Variants in PRG4 observed in about 807,000 individuals in gnomAD.
The protein encoded by PRG4 is proteoglycan 4.
Under a neutral mutation model 91.2 loss-of-function variants are expected in PRG4, and 61 were observed. That is an observed-to-expected ratio of 0.67 (90% CI 0.54 to 0.83). PRG4 has a LOEUF of 0.83. Ranked by LOEUF, PRG4 falls within the 40% of genes least tolerant of loss-of-function variation. PRG4 has a pLI of 0.00. For missense variants in PRG4, 1,564 were observed against 1,714.2 expected (o/e 0.91, Z 1.55); for synonymous variants, 576 against 614.2 (o/e 0.94, Z 0.92).
chr1:186,310,246 A>T (rs1200731802), intron 8 of PRG4, among the ~76,000 whole-genome samples: 2 of 152,022 alleles, frequency 1.3e-5, no homozygotes, highest in Non-Finnish European at 2.9e-5. Flanking sequence ...TAACATCTCA[A>T]TTGTGATGTG....
In PRG4 at chr1:186,301,641, G is replaced by C; in HGVS notation, c.249G>C (p.Glu83Asp). 1 of 1,613,882 alleles carries C rather than the reference G, an allele frequency of 6.2e-7. No homozygotes were observed. The highest frequency in any genetic ancestry group is 8.5e-7 in the Non-Finnish European group (1 of 1,179,846). ...TTGAGTCCTTCGAGAGAGGGAGGGAGTGTGACTGCGACGCCCAATGTAAGA... is the reference window on the plus strand; with the variant it reads ...TTGAGTCCTTCGAGAGAGGGAGGGACTGTGACTGCGACGCCCAATGTAAGA... ...RCFESFERGR[E>D]CDCDAQCKKY... The change falls in exon 4 of 13, where the codon GAG becomes GAC. Residue 83 changes from glutamate (E) to aspartate (D), a missense_variant. Glu to Asp is a conservative substitution (Grantham distance 45). This residue lies in a region of PRG4 where 437 missense variants were observed against 459.0 expected (regional missense o/e 0.95). Transcript: ENST00000445192.
rs1657529262 is a variant in PRG4 at position 186,314,548 on chromosome 1, G to C, written c.*770G>C. On this transcript the variant is annotated 3_prime_UTR_variant, in exon 13 of 13. Coordinates refer to ENST00000445192, the MANE Select transcript of PRG4 (RefSeq NM_005807.6). ...TTTGGAACATTAAAAAAATAAATTG[G>C]AGGCTTAAGGATTAGAAAACTTGTT... 9.6e-7 allele frequency: 1 copy of C among 1,042,002 alleles called. No individual in the cohort carries two copies. The highest frequency in any genetic ancestry group is 2.2e-4 in the Middle Eastern group (1 of 4,604). The allele number at this position is 1,042,002 out of a possible 1,614,324, so 64.5% of individuals were successfully genotyped here.
Position 186,304,889 on chromosome 1 carries a change from G to A in PRG4, c.565G>A (p.Ala189Thr), listed in dbSNP as rs1447889028. The change falls in exon 6 of 13, where the codon GCT (alanine) becomes ACT (threonine). Residue 189 changes from alanine (A) to threonine (T), a missense_variant. Transcript: ENST00000445192. ...GAAAATCAAGTCTTCCAAAAATTCA[G>A]CTGCTAATAGAGAATTACAGAAGAA... The part of the protein sequence containing the change: ...IRKIKSSKNS[A>T]ANRELQKKLK... 2 of 1,613,326 alleles carry A rather than the reference G, an allele frequency of 1.2e-6. No homozygotes were observed. The highest frequency in any genetic ancestry group is 1.3e-5 in the African/African-American group (1 of 74,864).
chr1:186,306,397 G>T lies in PRG4; in HGVS notation c.678G>T (p.Leu226Phe). Residue 226 changes from leucine (L) to phenylalanine (F), a missense_variant, in exon 7 of 13, where the codon TTG becomes TTT. Leu to Phe is a conservative substitution (Grantham distance 22). Around this residue, in one of 3 missense-constraint regions of PRG4, gnomAD observed 437 missense variants for 459.0 expected, o/e 0.95. Transcript: ENST00000445192. ...TTGTAGATGAAGCTGGAAGTGGATT[G>T]GACAATGGTGACTTCAAGGTCACAA... ...PPVVDEAGSG[L>F]DNGDFKVTTP... 6.2e-7 allele frequency: 1 copy of T among 1,613,154 alleles called. No homozygotes were observed. Among genetic ancestry groups the T allele is most frequent in the Non-Finnish European group, 8.5e-7 (1 of 1,179,346 alleles).
rs754471168 is a variant in PRG4, at chr1:186,311,093, G to C, written c.3559G>C (p.Glu1187Gln). ...SPPSPARRIT[E>Q]VWGIPSPIDT... ...ACCATCTCCAGCTCGCAGAATTACT[G>C]AAGTTTGGGGTATTCCTTCCCCCAT... Residue 1187 changes from glutamate (E) to glutamine (Q), a missense_variant, in exon 9 of 13, where the codon GAA becomes CAA. This residue lies in a region of PRG4 where 1,079 missense variants were observed against 1,162.2 expected (regional missense o/e 0.93). Transcript: ENST00000445192. 6.2e-7 allele frequency: 1 copy of C among 1,613,652 alleles called. No homozygotes were observed. Among genetic ancestry groups the C allele is most frequent in the Admixed American group, 1.7e-5 (1 of 60,012 alleles).
intron 2 of PRG4, among the ~76,000 whole-genome samples, chr1:186,298,165 G>A (rs1009236807): frequency 1.3e-5 from 2 of 152,202 alleles, no homozygotes; most frequent in African/African-American, 4.8e-5. Context: ...CAGATCACCT[G>A]AGGTCTGGAG....
At chr1:186,309,270 TAC>T in intron 7 of PRG4, 130 bp downstream of exon 7, 3 of 970,966 alleles carry the variant, frequency 3.1e-6, no homozygotes, top group Non-Finnish European at 4.7e-6. Context: ...TGTGAAGTTT[TAC>T]AGCTTCCCTG....
rs1225432006 is a variant in PRG4 at position 186,307,916 on chromosome 1, C to A, written c.2197C>A (p.Leu733Ile). Reference protein sequence around the residue: ...TTPKKPAPKELAPTTTKEPTS... With the variant: ...TTPKKPAPKEIAPTTTKEPTS... ...TCCCAAGAAGCCTGCCCCCAAGGAG[C>A]TTGCACCCACCACCACCAAGGAGCC... is the stretch of plus-strand genomic sequence containing the variant. Residue 733 changes from leucine to isoleucine, a missense_variant, in exon 7 of 13, where the codon CTT becomes ATT. Transcript: ENST00000445192. 6.2e-7 allele frequency: 1 copy of A among 1,609,688 alleles called. No homozygotes were observed. Among genetic ancestry groups the A allele is most frequent in the Non-Finnish European group, 8.5e-7 (1 of 1,178,572 alleles).
Position 186,308,218 on chromosome 1 carries a change from G to A in PRG4, c.2499G>A (p.Glu833=), listed in dbSNP as rs1015929913. The A allele has an allele frequency of 8.1e-6, 13 of 1,610,866 alleles. No homozygotes were observed. Among genetic ancestry groups the A allele is most frequent in the African/African-American group, 1.3e-5 (1 of 74,198 alleles). The change falls in exon 7 of 13, where the codon GAG becomes GAA. Residue 833 remains glutamate, a synonymous_variant. Coordinates refer to ENST00000445192, the MANE Select transcript of PRG4 (RefSeq NM_005807.6). ...PKETAPTTPK[E]PAPTTPKKPA... ...AGACTGCTCCAACTACCCCCAAGGA[G>A]CCTGCACCCACTACCCCCAAGAAGC...
At position 186,309,867 on chromosome 1, in the gene PRG4, C is replaced by T. The variant is rs773621375; in HGVS notation, c.3496C>T (p.Arg1166Ter). The T allele has an allele frequency of 1.7e-5, 27 of 1,611,862 alleles. No homozygotes were observed. Among genetic ancestry groups the T allele is most frequent in the South Asian group, 2.2e-5 (2 of 91,036 alleles). Reference protein sequence around the residue: ...TLRNGTLVAFRGHYFWMLSPF... With the variant: ...TLRNGTLVAF ...GCGCAATGGGACATTAGTTGCATTC[C>T]GAGGTGAGCTATGTACACATTTATT... Residue 1166 changes from arginine (R) to a stop codon, truncating the protein, a stop_gained, in exon 8 of 13, where the codon CGA becomes TGA. Transcript: ENST00000445192. LOFTEE classifies it high-confidence loss of function.
chr1:186,305,839 G>A (rs1163702015), intron 6 of PRG4, among the ~76,000 whole-genome samples: 1 of 152,126 alleles, frequency 6.6e-6, no homozygotes, highest in Non-Finnish European at 1.5e-5. Flanking sequence ...CCCTATGTAT[G>A]GGAACAAGGC....
intron 4 of PRG4, among the ~76,000 whole-genome samples, chr1:186,302,953 G>A (rs1033800590): frequency 6.6e-5 from 10 of 152,008 alleles, no homozygotes; most frequent in African/African-American, 2.4e-4. Context: ...AATGATGAAG[G>A]CGATGCTGGC....
At chr1:186,304,330 C>T (rs1353004492) in intron 5 of PRG4, 73 bp downstream of exon 5, 3 of 1,487,462 alleles carry the variant, frequency 2.0e-6, no homozygotes, top group African/African-American at 2.8e-5. Flanking sequence ...CTTATCTAAG[C>T]CCATTCTCAG....
rs559083251 is a variant in PRG4 at position 186,314,321 on chromosome 1, G to A, written c.*543G>A. 4.2e-4 allele frequency: 162 copies of A among 390,302 alleles called. 1 individual carries two copies. The highest frequency in any genetic ancestry group is 3.1e-3 in the African/African-American group (152 of 48,432). The allele number at this position is 390,302 out of a possible 1,614,324, so 24.2% of individuals were successfully genotyped here. On this transcript the variant is annotated 3_prime_UTR_variant, in exon 13 of 13. Transcript: ENST00000445192. The stretch of plus-strand genomic sequence containing the variant: ...GTATAAAAAAATTAACAATATAATG[G>A]CAATAGGTAGAGATACAACAAATGA...
rs1655855253 is a variant in PRG4, at chr1:186,296,293, GGTAA to G, written c.-31+3_-31+6del. ...GGGATAAACTCATCTATCCTTTACG[GGTAA>G]GTGTCAAAGTTAACTTGCTTCATAG... On this transcript the variant is annotated splice_donor_variant and splice_donor_region_variant and intron_variant, in intron 1 of 12. Coordinates refer to ENST00000445192, the MANE Select transcript of PRG4 (RefSeq NM_005807.6). LOFTEE classifies it low-confidence loss of function (5UTR_SPLICE). 1 of 154,296 alleles carries G rather than the reference GGTAA, an allele frequency of 6.5e-6. No individual in the cohort carries two copies. Among genetic ancestry groups the G allele is most frequent in the African/African-American group, 2.4e-5 (1 of 41,408 alleles). The allele number at this position is 154,296 out of a possible 1,614,324, so 9.6% of individuals were successfully genotyped here.
rs745507322 is a variant in PRG4, at chr1:186,313,671, T to C, written c.4118-10T>C. ...TTTTTAACTAAAAAAATGTTTTCTC[T>C]TCCATTTAGATCAATACTATAACAT... On this transcript the variant is annotated splice_polypyrimidine_tract_variant and intron_variant, in intron 12 of 12. Transcript: ENST00000445192. The C allele has an allele frequency of 9.7e-6, 15 of 1,541,670 alleles. 1 individual carries two copies. The highest frequency in any genetic ancestry group is 1.7e-4 in the Middle Eastern group (1 of 5,950).
intron 3 of PRG4, among the ~76,000 whole-genome samples, chr1:186,301,368 C>T (rs1295891020): frequency 6.6e-6 from 1 of 152,150 alleles, no homozygotes; most frequent in African/African-American, 2.4e-5. Context: ...TCTGGAAGGG[C>T]AAGAGGAGTT....
Position 186,305,491 on chromosome 1 carries a change from G to T in PRG4, c.598+569G>T, listed in dbSNP as rs115749340. Among the ~76,000 whole-genome samples, 973 of 152,200 alleles carry T rather than the reference G, an allele frequency of 6.4e-3. 12 individuals are homozygous for T. The highest frequency in any genetic ancestry group is 0.021 in the African/African-American group (873 of 41,514). On this transcript the variant is annotated intron_variant, in intron 6 of 12. Coordinates refer to ENST00000445192, the MANE Select transcript of PRG4 (RefSeq NM_005807.6). ...TATTGCCTGAAAAGAGATTTCCTTT[G>T]CTGTTTATTATTTCCTGAAGTTCTG...
intron 2 of PRG4, among the ~76,000 whole-genome samples, chr1:186,298,374 T>C (rs1000369554): frequency 6.6e-6 from 1 of 152,104 alleles, no homozygotes; most frequent in African/African-American, 2.4e-5. Flanking sequence ...AGAGTGAGAC[T>C]CTGTCTCAAA....
Sources: allele counts gnomAD v4.1 joint callset (sites outside exome capture counted in the v4.1 genomes callset), GRCh38; gene constraint gnomAD v4.1.1; regional missense constraint gnomAD v4.1.1; transcripts MANE v1.5; gene names NCBI Gene and HGNC (gene_info 2026-07-23, HGNC 2026-07-21).